The following CLVS1 variants were observed in gnomAD, a reference collection of about 807,000 sequenced individuals.
CLVS1 encodes the protein clavesin-1.
Under a neutral mutation model 33.1 loss-of-function variants are expected in CLVS1, and 10 were observed. The observed-to-expected ratio is 0.30, with a 90% CI of 0.19 to 0.51. The LOEUF (loss-of-function observed/expected upper bound fraction) is 0.51, where lower values mean the gene tolerates loss of function less well. Among genes scored for constraint, CLVS1 ranks in the 20% least tolerant of loss-of-function variants. The pLI is 0.97. For missense variants in CLVS1, 343 were observed against 433.4 expected (o/e 0.79, Z 1.85); for synonymous variants, 163 against 166.1 (o/e 0.98, Z 0.14).
At chr8:60,988,374 C>T in the CLVS1 span, among the ~76,000 whole-genome samples, 1 of 152,124 alleles carries the variant, frequency 6.6e-6, no homozygotes, top group Non-Finnish European at 1.5e-5. Flanking sequence ...CCTGGGACAG[C>T]TTCTCTCCAG....
chr8:60,993,595 A>G, the CLVS1 span, among the ~76,000 whole-genome samples: 54 of 152,190 alleles, frequency 3.5e-4, no homozygotes, highest in African/African-American at 1.3e-3. Flanking sequence ...GGGAGCCCTA[A>G]CCACATAAGC....
At chr8:61,163,344 A>T (rs1356071645) in intron 2 of CLVS1, among the ~76,000 whole-genome samples, 1 of 152,242 alleles carries the variant, frequency 6.6e-6, no homozygotes, top group Non-Finnish European at 1.5e-5. Context: ...TAAAAAAATT[A>T]CATCCTAGTC....
intron 2 of CLVS1, among the ~76,000 whole-genome samples, chr8:61,354,613 CT>C (rs1181369710): frequency 6.6e-6 from 1 of 152,074 alleles, no homozygotes; most frequent in Non-Finnish European, 1.5e-5. Context: ...GCTAAAAAAA[CT>C]GGTACATCCA....
chr8:60,990,125 CAAAAAAAAAAAA>C, the CLVS1 span, among the ~76,000 whole-genome samples: 2 of 38,278 alleles, frequency 5.2e-5, no homozygotes, highest in Admixed American at 3.9e-4. Context: ...ACTCCATCTC[CAAAAAAAAAAAA>C]AAAAAAAAAA....
chr8:61,053,799 C>G (rs1350561812), upstream of CLVS1, among the ~76,000 whole-genome samples: 2 of 152,204 alleles, frequency 1.3e-5, no homozygotes, highest in Non-Finnish European at 2.9e-5. Context: ...GAAATATTGG[C>G]TCCTTTCTCT....
At chr8:61,278,730 C>CA (rs780166394) in intron 2 of CLVS1, among the ~76,000 whole-genome samples, 7 of 152,244 alleles carry the variant, frequency 4.6e-5, no homozygotes, top group Non-Finnish European at 8.8e-5. Flanking sequence ...CTCCAATGCA[C>CA]ACCCTCCAGT....
intron 1 of CLVS1, among the ~76,000 whole-genome samples, chr8:61,098,402 GATATAT>G (rs59671943): frequency 1.5e-3 from 215 of 143,902 alleles, no homozygotes; most frequent in Non-Finnish European, 2.2e-3. Context: ...TAGGGAAACT[GATATAT>G]ATATATATAT....
chr8:60,980,711 G>A, the CLVS1 span, among the ~76,000 whole-genome samples: 15 of 152,280 alleles, frequency 9.9e-5, no homozygotes, highest in South Asian at 1.0e-3. Flanking sequence ...GCTTGAACTC[G>A]GGAGGTGGAG....
chr8:61,430,432 A>AG (rs886258583), intron 3 of CLVS1, among the ~76,000 whole-genome samples: 7 of 152,202 alleles, frequency 4.6e-5, no homozygotes, highest in Admixed American at 2.0e-4. Context: ...TTCAGAAAGG[A>AG]GGGGGAAATA....
intron 3 of CLVS1, among the ~76,000 whole-genome samples, chr8:61,414,884 G>C (rs1815370692): frequency 6.6e-6 from 1 of 152,194 alleles, no homozygotes; most frequent in South Asian, 2.1e-4. Context: ...TTTCCAGCCA[G>C]GGACAATTAC....
At chr8:61,413,168 C>T (rs191654967) in intron 3 of CLVS1, among the ~76,000 whole-genome samples, 1 of 152,068 alleles carries the variant, frequency 6.6e-6, no homozygotes, top group East Asian at 1.9e-4. Context: ...GGAGCCCAGC[C>T]CAAGATCTAT....
chr8:61,391,867 A>G (rs773296842), intron 3 of CLVS1, among the ~76,000 whole-genome samples: 4 of 152,246 alleles, frequency 2.6e-5, no homozygotes, highest in Non-Finnish European at 5.9e-5. Flanking sequence ...ACCCAGTTTT[A>G]TAGCTCAGAA....
At chr8:61,063,210 G>C (rs1208214874) in intron 1 of CLVS1, among the ~76,000 whole-genome samples, 1 of 140,082 alleles carries the variant, frequency 7.1e-6, no homozygotes, top group East Asian at 2.3e-4. Flanking sequence ...CGAGTGCATT[G>C]AATGTTATAT....
intron 1 of CLVS1, among the ~76,000 whole-genome samples, chr8:61,098,939 A>C (rs376542580): frequency 2.6e-5 from 4 of 152,190 alleles, no homozygotes; most frequent in East Asian, 3.8e-4. Context: ...AAGGGGAAAG[A>C]GATTTGTATA....
intron 5 of CLVS1, among the ~76,000 whole-genome samples, chr8:61,488,882 G>C (rs1229673832): frequency 2.0e-5 from 3 of 152,194 alleles, no homozygotes; most frequent in Non-Finnish European, 4.4e-5. Context: ...CCATCTGCAA[G>C]TTCCAGGATG....
At chr8:61,339,809 G>A (rs1811951318) in intron 2 of CLVS1, among the ~76,000 whole-genome samples, 2 of 146,418 alleles carry the variant, frequency 1.4e-5, no homozygotes, top group South Asian at 2.2e-4. Context: ...AGAGAGGAAG[G>A]AAAGGAGGGA....
intron 3 of CLVS1, among the ~76,000 whole-genome samples, chr8:61,388,379 T>G (rs1814169019): frequency 6.6e-6 from 1 of 150,800 alleles, no homozygotes; most frequent in Non-Finnish European, 1.5e-5. Flanking sequence ...TGACAACACC[T>G]TGATATCATA....
intron 2 of CLVS1, among the ~76,000 whole-genome samples, chr8:61,166,762 C>T (rs1806874359): frequency 6.6e-6 from 1 of 151,918 alleles, no homozygotes; most frequent in African/African-American, 2.4e-5. Flanking sequence ...AGCCGGGAAA[C>T]AGGAATTTCT....
intron 5 of CLVS1, among the ~76,000 whole-genome samples, chr8:61,495,295 G>A (rs540069243): frequency 2.2e-4 from 34 of 152,312 alleles, no homozygotes; most frequent in African/African-American, 7.2e-4. Context: ...GTCTGTTTGT[G>A]GGTCTATGGC....
Sources: allele counts gnomAD v4.1 joint callset (sites outside exome capture counted in the v4.1 genomes callset), GRCh38; gene constraint gnomAD v4.1.1; transcripts MANE v1.5; gene names NCBI Gene and HGNC (gene_info 2026-07-23, HGNC 2026-07-21).